Variants in CYFIP2 observed in about 807,000 individuals in gnomAD.
The protein encoded by CYFIP2 is cytoplasmic FMR1-interacting protein 2.
CYFIP2 carries 29 observed loss-of-function variants against 158.7 expected under a neutral mutation model. That is an observed-to-expected ratio of 0.18 (90% confidence interval 0.14 to 0.25). The LOEUF (loss-of-function observed/expected upper bound fraction) is 0.25, where lower values mean the gene tolerates loss of function less well. Among genes scored for constraint, CYFIP2 ranks in the 10% least tolerant of loss-of-function variants. The pLI, the probability that CYFIP2 is intolerant of heterozygous loss-of-function variation, is 1.00. For missense variants in CYFIP2, 852 were observed against 1,639.5 expected, an observed-to-expected ratio of 0.52 and a Z score of 8.29; for synonymous variants, 585 against 617.6, an observed-to-expected ratio of 0.95 and a Z score of 0.78.
At chr5:157,317,881 T>C (rs946211741) in intron 13 of CYFIP2, among the ~76,000 whole-genome samples, 1 of 152,194 alleles carries the variant, frequency 6.6e-6, no homozygotes, top group African/African-American at 2.4e-5. Flanking sequence ...GAGGCATTCC[T>C]CCACAAGCTC....
At position 157,325,599 on chromosome 5, in the gene CYFIP2, C is replaced by T. The variant is rs748435704; in HGVS notation, c.1943C>T (p.Thr648Met). Reference sequence around the variant, plus strand: ...GAGATGTCCATGCCCTGGATTCTAACGGACCATATCCTGGAAACCAAAGAA... The same window carrying T: ...GAGATGTCCATGCCCTGGATTCTAATGGACCATATCCTGGAAACCAAAGAA... ...PIEMSMPWIL[T>M]DHILETKEPS... is the part of the protein sequence containing the mutation. The change falls in exon 17 of 31, where the codon ACG becomes ATG. Residue 648 changes from threonine to methionine, a missense_variant. Physicochemically the swap from Thr to Met is moderately conservative, Grantham distance 81. Transcript: ENST00000620254. 6.2e-6 allele frequency: 10 copies of T among 1,611,584 alleles called. No homozygotes were observed. Among genetic ancestry groups the T allele is most frequent in the Non-Finnish European group, 7.6e-6 (9 of 1,178,872 alleles).
intron 28 of CYFIP2, among the ~76,000 whole-genome samples, chr5:157,385,893 A>G (rs1403475989): frequency 6.6e-6 from 1 of 152,056 alleles, no homozygotes; most frequent in East Asian, 1.9e-4. Context: ...GGGCAGAAAG[A>G]GAAATACTCC....
At chr5:157,307,657 A>ATATG in intron 8 of CYFIP2, 104 bp from the exon 9 acceptor site, 3 of 266,170 alleles carry the variant, frequency 1.1e-5, no homozygotes, top group Middle Eastern at 1.4e-3. Flanking sequence ...GTGTGTGTGT[A>ATATG]TGTGTGTGTG....
intron 8 of CYFIP2, among the ~76,000 whole-genome samples, chr5:157,306,146 C>T (rs1374822350): frequency 2.6e-5 from 4 of 152,192 alleles, no homozygotes; most frequent in Non-Finnish European, 2.9e-5. Flanking sequence ...CTTTCTTCTC[C>T]TTCAGTGTCT....
intron 9 of CYFIP2, among the ~76,000 whole-genome samples, chr5:157,308,360 C>T (rs981448665): frequency 2.6e-5 from 4 of 152,174 alleles, no homozygotes; most frequent in African/African-American, 9.7e-5. Flanking sequence ...GCCCTTACCT[C>T]TGGATAGAAT....
intron 28 of CYFIP2, among the ~76,000 whole-genome samples, chr5:157,386,730 G>A (rs2113535818): frequency 6.6e-6 from 1 of 152,234 alleles, no homozygotes; most frequent in East Asian, 1.9e-4. Context: ...GACCAGCCTG[G>A]CCAACGTGGT....
At chr5:157,389,909 T>G (rs570887013) in intron 29 of CYFIP2, among the ~76,000 whole-genome samples, 1 of 152,274 alleles carries the variant, frequency 6.6e-6, no homozygotes, top group East Asian at 1.9e-4. Flanking sequence ...CCTGCCCGGG[T>G]TGGGGCTGCT....
intron 21 of CYFIP2, among the ~76,000 whole-genome samples, chr5:157,335,962 C>T (rs1761823481): frequency 6.6e-6 from 1 of 152,166 alleles, no homozygotes; most frequent in Non-Finnish European, 1.5e-5. Flanking sequence ...AAAATCAAAA[C>T]AAGCAGTGAA....
At chr5:157,379,462 C>A (rs749157988) in intron 26 of CYFIP2, among the ~76,000 whole-genome samples, 40 of 150,710 alleles carry the variant, frequency 2.7e-4, no homozygotes, top group Admixed American at 6.6e-4. Context: ...AAATATCATT[C>A]CTACTTATAA....
intron 5 of CYFIP2, among the ~76,000 whole-genome samples, chr5:157,299,218 G>A (rs1206642824): frequency 6.6e-6 from 1 of 151,484 alleles, no homozygotes; most frequent in African/African-American, 2.4e-5. Context: ...CATGTTATCT[G>A]GCCTCAGAAC....
rs769628287 is a variant in CYFIP2 at position 157,309,797 on chromosome 5, A to G, written c.955A>G (p.Ile319Val). The G allele has an allele frequency of 2.5e-6, 4 of 1,606,808 alleles. No homozygotes were observed. Among genetic ancestry groups the G allele is most frequent in the Non-Finnish European group, 3.4e-6 (4 of 1,176,782 alleles). The change falls in exon 10 of 31, where the codon ATT becomes GTT. Residue 319 changes from isoleucine (I) to valine (V), a missense_variant. Physicochemically the swap from Ile to Val is conservative, Grantham distance 29. This residue lies in a region of CYFIP2 where 133 missense variants were observed against 197.1 expected (regional missense o/e 0.67). Transcript: ENST00000620254. ...GDMQIELARY[I>V]KTSAHYEENK... The stretch of plus-strand genomic sequence containing the variant: ...CATGCAGATAGAGCTGGCCAGATAC[A>G]TTAAGACCAGTGCTCACTATGAAGA...
intron 21 of CYFIP2, among the ~76,000 whole-genome samples, chr5:157,335,876 A>G (rs905307413): frequency 2.6e-5 from 4 of 152,140 alleles, no homozygotes; most frequent in African/African-American, 9.7e-5. Context: ...TGGGAAAAAA[A>G]AGATTTGGGA....
intron 10 of CYFIP2, among the ~76,000 whole-genome samples, chr5:157,310,517 C>T (rs916131868): frequency 6.6e-6 from 1 of 152,224 alleles, no homozygotes; most frequent in Non-Finnish European, 1.5e-5. Context: ...CCGCCTGGAG[C>T]CTCTGCGAAC....
At position 157,330,748 on chromosome 5, in the gene CYFIP2, G is replaced by A. The variant is rs770662623; in HGVS notation, c.2163G>A (p.Leu721=). The A allele has an allele frequency of 1.2e-6, 2 of 1,613,894 alleles. No individual in the cohort carries two copies. The highest frequency in any genetic ancestry group is 1.1e-5 in the South Asian group (1 of 91,084). Residue 721 remains leucine (L), a synonymous_variant, in exon 20 of 31, where the codon CTG becomes CTA. Transcript: ENST00000620254. ...TCACTTTTATTCCTTGCAGTGTCCT[G>A]TTGGATAAACGTTTTCGAGCTGAGT... ...AYYKAMAGSV[L]LDKRFRAECK...
rs541040258 is a variant in CYFIP2, at chr5:157,369,360, A to G, written c.3039+7762A>G. Among the ~76,000 whole-genome samples the G allele has an allele frequency of 2.5e-3, 381 of 152,336 alleles. 2 individuals carry two copies. The highest frequency in any genetic ancestry group is 8.6e-3 in the African/African-American group (359 of 41,572). On this transcript the variant is annotated intron_variant, in intron 26 of 30. Transcript: ENST00000620254. ...TACAAAATAGAGTGAAAAATGGCATAAAACAAGAACTGATCCATAGAAACA... is the reference window on the plus strand; with the variant it reads ...TACAAAATAGAGTGAAAAATGGCATGAAACAAGAACTGATCCATAGAAACA...
At chr5:157,300,625 G>A (rs2113887698) in intron 5 of CYFIP2, 90 bp from the exon 6 acceptor site, 2 of 1,187,436 alleles carry the variant, frequency 1.7e-6, no homozygotes, top group Non-Finnish European at 2.2e-6. Context: ...TTCTCGAGAG[G>A]GCTGGCTCTG....
intron 1 of CYFIP2, among the ~76,000 whole-genome samples, chr5:157,279,998 A>G (rs541000358): frequency 6.6e-6 from 1 of 152,236 alleles, no homozygotes; most frequent in Non-Finnish European, 1.5e-5. Flanking sequence ...TAGGCACTGA[A>G]TGATCTACCA....
intron 29 of CYFIP2, 99 bp from the exon 30 acceptor site, chr5:157,390,422 T>C (rs1049822600): frequency 8.3e-7 from 1 of 1,199,020 alleles, no homozygotes; most frequent in Non-Finnish European, 1.2e-6. Context: ...AAGACAGGCC[T>C]GCTTAGTAGC....
chr5:157,301,946 A>G (rs1415291467), intron 6 of CYFIP2, among the ~76,000 whole-genome samples: 5 of 152,170 alleles, frequency 3.3e-5, no homozygotes, highest in South Asian at 4.1e-4. Context: ...GATTCTCACA[A>G]GTTTACCCTC....
Sources: gnomAD v4.1 joint callset for allele counts (sites outside exome capture counted in the v4.1 genomes callset) on GRCh38, gnomAD v4.1.1 for gene constraint, gnomAD v4.1.1 regional missense constraint, MANE v1.5 for transcripts, NCBI Gene and HGNC (gene_info 2026-07-23, HGNC 2026-07-21) for gene names.